The following WWOX variants were observed in gnomAD, a reference collection of about 807,000 sequenced individuals.
The protein encoded by WWOX is WW domain-containing oxidoreductase.
WWOX carries 69 observed loss-of-function variants against 46.2 expected under a neutral mutation model. The ratio of observed to expected loss-of-function variants is 1.49; its 90% CI spans 1.23 to 1.82. The LOEUF (loss-of-function observed/expected upper bound fraction) is 1.82. WWOX is among the 40% of genes most tolerant of loss of function. WWOX has a pLI of 0.00. For synonymous variants in WWOX, 359 were observed against 202.6 expected (o/e 1.77, Z -6.56); for missense variants, 919 against 542.6 (o/e 1.69, Z -6.89).
At chr16:79,065,240 C>G (rs1445129154) in intron 8 of WWOX, among the ~76,000 whole-genome samples, 5 of 152,168 alleles carry the variant, frequency 3.3e-5, no homozygotes, top group Non-Finnish European at 5.9e-5. Flanking sequence ...CAGGTAAAAC[C>G]CAGTTCACTG....
chr16:78,668,611 C>T (rs77949872), intron 8 of WWOX, among the ~76,000 whole-genome samples: 5,795 of 152,046 alleles, frequency 0.038, 134 homozygotes, highest in East Asian at 0.066. Context: ...TTGTTATCTG[C>T]GGGGAACAGG....
chr16:78,453,816 C>T (rs982303969), intron 8 of WWOX, among the ~76,000 whole-genome samples: 2 of 147,542 alleles, frequency 1.4e-5, no homozygotes, highest in African/African-American at 5.3e-5. Context: ...TTATTGAAAG[C>T]CTTTTTACCA....
At chr16:78,670,751 G>C (rs184274296) in intron 8 of WWOX, among the ~76,000 whole-genome samples, 306 of 152,204 alleles carry the variant, frequency 2.0e-3, no homozygotes, top group African/African-American at 7.0e-3. Flanking sequence ...GGCTGAAGCA[G>C]TTCTCCTGCT....
chr16:78,457,397 A>G (rs2151419767), intron 8 of WWOX, among the ~76,000 whole-genome samples: 1 of 152,340 alleles, frequency 6.6e-6, no homozygotes, highest in South Asian at 2.1e-4. Flanking sequence ...AGAGAGCTGC[A>G]CCAACCAGGT....
intron 8 of WWOX, among the ~76,000 whole-genome samples, chr16:79,200,685 C>T (rs746137288): frequency 4.0e-4 from 61 of 152,104 alleles, no homozygotes; most frequent in Admixed American, 1.3e-3. Flanking sequence ...CCCTAAGCAG[C>T]TATTGAGCCT....
intron 5 of WWOX, among the ~76,000 whole-genome samples, chr16:78,351,180 T>A (rs982518994): frequency 6.6e-6 from 1 of 152,206 alleles, no homozygotes; most frequent in African/African-American, 2.4e-5. Context: ...TACCAAGAGC[T>A]TACAGAGATC....
At chr16:79,014,753 T>C (rs1038105166) in intron 8 of WWOX, among the ~76,000 whole-genome samples, 7 of 152,198 alleles carry the variant, frequency 4.6e-5, no homozygotes, top group African/African-American at 1.4e-4. Flanking sequence ...AACTAGTAAG[T>C]GGATTCGAGT....
intron 8 of WWOX, among the ~76,000 whole-genome samples, chr16:78,695,509 C>G (rs190356203): frequency 2.6e-5 from 4 of 152,306 alleles, no homozygotes; most frequent in Admixed American, 2.0e-4. Flanking sequence ...GGTTAGCTGA[C>G]TTCATCAGAG....
chr16:78,661,287 C>A (rs563146275), intron 8 of WWOX, among the ~76,000 whole-genome samples: 2 of 152,296 alleles, frequency 1.3e-5, no homozygotes, highest in South Asian at 4.1e-4. Context: ...ATTGACAGGT[C>A]CCACAAGTCA....
intron 5 of WWOX, among the ~76,000 whole-genome samples, chr16:78,170,017 G>C (rs1284497945): frequency 6.6e-6 from 1 of 152,196 alleles, no homozygotes; most frequent in African/African-American, 2.4e-5. Context: ...TATGGGAAGA[G>C]GGGCAGGTGG....
chr16:79,067,394 G>A (rs185925271), intron 8 of WWOX, among the ~76,000 whole-genome samples: 3 of 152,178 alleles, frequency 2.0e-5, no homozygotes, highest in Admixed American at 6.5e-5. Context: ...TGCTTCAGCT[G>A]TCCTGACCTC....
chr16:79,064,688 G>A (rs1290498665), intron 8 of WWOX, among the ~76,000 whole-genome samples: 2 of 152,234 alleles, frequency 1.3e-5, no homozygotes, highest in Admixed American at 1.3e-4. Context: ...GAGAGATGGT[G>A]ACAGTAGAGA....
At chr16:79,128,375 AAAAC>A (rs2049804438) in intron 8 of WWOX, among the ~76,000 whole-genome samples, 1 of 151,784 alleles carries the variant, frequency 6.6e-6, no homozygotes, top group African/African-American at 2.4e-5. Flanking sequence ...TGAAAAACAA[AAAAC>A]AAAAAACAAA....
chr16:78,481,535 C>A (rs2084486041), intron 8 of WWOX, among the ~76,000 whole-genome samples: 1 of 151,872 alleles, frequency 6.6e-6, no homozygotes, highest in Admixed American at 6.6e-5. Flanking sequence ...GAGAGTCATC[C>A]CTCACCTCCC....
intron 8 of WWOX, among the ~76,000 whole-genome samples, chr16:79,158,470 C>G (rs954507875): frequency 1.3e-5 from 2 of 150,698 alleles, no homozygotes; most frequent in African/African-American, 2.5e-5. Context: ...GCTTTAAACC[C>G]CTTCATGGCT....
chr16:78,846,574 A>G (rs1177185682), intron 8 of WWOX, among the ~76,000 whole-genome samples: 1 of 152,092 alleles, frequency 6.6e-6, no homozygotes, highest in African/African-American at 2.4e-5. Flanking sequence ...GTGATGTGCC[A>G]TTCTTCGGCC....
At chr16:78,332,741 A>C (rs1481409483) in intron 5 of WWOX, among the ~76,000 whole-genome samples, 3 of 152,100 alleles carry the variant, frequency 2.0e-5, no homozygotes, top group Non-Finnish European at 4.4e-5. Flanking sequence ...AGGATCACTG[A>C]GTGTGCCTTT....
At chr16:79,175,758 G>A (rs184203963) in intron 8 of WWOX, among the ~76,000 whole-genome samples, 8 of 152,142 alleles carry the variant, frequency 5.3e-5, no homozygotes, top group African/African-American at 7.2e-5. Flanking sequence ...TTACTCATAC[G>A]ACTTACACAT....
chr16:78,423,439 G>T (rs1362661627), intron 6 of WWOX, among the ~76,000 whole-genome samples: 1 of 152,134 alleles, frequency 6.6e-6, no homozygotes, highest in African/African-American at 2.4e-5. Flanking sequence ...CACAAACACC[G>T]TGGATAGCCT....
Sources: gnomAD v4.1 joint callset for allele counts (sites outside exome capture counted in the v4.1 genomes callset) on GRCh38, gnomAD v4.1.1 for gene constraint, MANE v1.5 for transcripts, NCBI Gene and HGNC (gene_info 2026-07-23, HGNC 2026-07-21) for gene names.